The following APBB2 variants were observed in gnomAD, a reference collection of about 807,000 sequenced individuals.
APBB2 encodes the protein Fe65-like 1.
Under a neutral mutation model 82.5 loss-of-function variants are expected in APBB2, and 38 were observed. The ratio of observed to expected loss-of-function variants is 0.46; its 90% CI spans 0.36 to 0.60. The LOEUF (loss-of-function observed/expected upper bound fraction) is 0.60, where lower values mean the gene tolerates loss of function less well. Among genes scored for constraint, APBB2 ranks in the 20% least tolerant of loss-of-function variants. The pLI is 0.00. For missense variants in APBB2, 772 were observed against 972.3 expected (o/e 0.79, Z 2.74); for synonymous variants, 341 against 368.2 (o/e 0.93, Z 0.85).
intron 1 of APBB2, among the ~76,000 whole-genome samples, chr4:41,145,283 C>G (rs1760405309): frequency 6.6e-6 from 1 of 152,076 alleles, no homozygotes; most frequent in Non-Finnish European, 1.5e-5. Context: ...CCTTGGCAAC[C>G]CATTGCTCTA....
intron 4 of APBB2, among the ~76,000 whole-genome samples, chr4:41,044,492 T>C (rs1722663490): frequency 6.6e-6 from 1 of 152,222 alleles, no homozygotes; most frequent in African/African-American, 2.4e-5. Flanking sequence ...TTTTTGTTGT[T>C]TGAAGCTCAC....
chr4:40,962,500 T>A (rs1793553163), intron 6 of APBB2, among the ~76,000 whole-genome samples: 1 of 152,190 alleles, frequency 6.6e-6, no homozygotes, highest in Non-Finnish European at 1.5e-5. Context: ...ATTGAACAGA[T>A]CTAAGTTCCT....
intron 12 of APBB2, among the ~76,000 whole-genome samples, chr4:40,854,790 C>CAAAAAAAAAA (rs80240731): frequency 2.7e-4 from 34 of 124,802 alleles, no homozygotes; most frequent in African/African-American, 6.9e-4. Context: ...AGTCCATCTC[C>CAAAAAAAAAA]AAAAAAAAAA....
chr4:41,028,271 T>C (rs1056597396), intron 5 of APBB2, among the ~76,000 whole-genome samples: 1 of 152,222 alleles, frequency 6.6e-6, no homozygotes, highest in African/African-American at 2.4e-5. Flanking sequence ...ATTAGGCCCA[T>C]GTGTTTCAGG....
chr4:40,816,056 C>A lies in APBB2; in HGVS notation c.*36G>T. 1 of 1,600,140 alleles carries A rather than the reference C, an allele frequency of 6.2e-7. No homozygotes were observed. The highest frequency in any genetic ancestry group is 8.6e-7 in the Non-Finnish European group (1 of 1,169,034). The stretch of plus-strand genomic sequence containing the variant: ...ATTTTCTTTAGTGTAGCTAGTCAAT[C>A]TTCAGGTAAATAGCCGAGTCCTTTT... On this transcript the variant is annotated 3_prime_UTR_variant, in exon 18 of 18. Coordinates refer to ENST00000508593, the MANE Select transcript of APBB2 (RefSeq NM_004307.2).
chr4:40,835,919 A>C (rs1037057126), intron 12 of APBB2, among the ~76,000 whole-genome samples: 7 of 152,168 alleles, frequency 4.6e-5, no homozygotes, highest in African/African-American at 1.7e-4. Flanking sequence ...GGCGATTAAG[A>C]ATAACTCTGG....
intron 6 of APBB2, among the ~76,000 whole-genome samples, chr4:40,952,224 A>C (rs888571216): frequency 1.5e-4 from 22 of 148,868 alleles, no homozygotes; most frequent in Non-Finnish European, 3.0e-5. Context: ...AGATCATTTT[A>C]TGGTGACTTT....
At chr4:41,096,352 C>A (rs945838222) in intron 3 of APBB2, among the ~76,000 whole-genome samples, 4 of 152,158 alleles carry the variant, frequency 2.6e-5, no homozygotes, top group Non-Finnish European at 5.9e-5. Context: ...TAACGCCCAC[C>A]CCTAGAATTC....
At chr4:41,084,192 A>T (rs1364300075) in intron 3 of APBB2, among the ~76,000 whole-genome samples, 1 of 152,238 alleles carries the variant, frequency 6.6e-6, no homozygotes, top group African/African-American at 2.4e-5. Flanking sequence ...CAGAAGGCCG[A>T]GACAGGCGGA....
chr4:40,962,005 G>A (rs1330345768), intron 6 of APBB2, among the ~76,000 whole-genome samples: 1 of 152,134 alleles, frequency 6.6e-6, no homozygotes, highest in African/African-American at 2.4e-5. Flanking sequence ...TCCTCCTCAA[G>A]ACCCTCCAAT....
chr4:40,825,881 A>G lies in APBB2; in HGVS notation c.1816+6T>C. ...AAAGTGGAAAGACAATAAACATTTC[A>G]CATACCGACTGGTTTGTCTACAGGT... On this transcript the variant is annotated splice_donor_region_variant and intron_variant, in intron 15 of 17. Transcript: ENST00000508593. The G allele has an allele frequency of 6.2e-7, 1 of 1,612,814 alleles. No homozygotes were observed. Among genetic ancestry groups the G allele is most frequent in the Non-Finnish European group, 8.5e-7 (1 of 1,178,794 alleles).
chr4:41,063,952 T>A (rs2153887748), intron 4 of APBB2, among the ~76,000 whole-genome samples: 1 of 129,128 alleles, frequency 7.7e-6, no homozygotes, highest in East Asian at 2.1e-4. Context: ...ATGCTGGGAT[T>A]TTTTTTTTTT....
At chr4:41,037,669 G>C (rs1370261346) in intron 4 of APBB2, among the ~76,000 whole-genome samples, 1 of 152,044 alleles carries the variant, frequency 6.6e-6, no homozygotes, top group Non-Finnish European at 1.5e-5. Flanking sequence ...ACTTAATGTG[G>C]CTTGCATTCT....
intron 4 of APBB2, among the ~76,000 whole-genome samples, chr4:41,042,009 T>C (rs1721687898): frequency 6.6e-6 from 1 of 152,146 alleles, no homozygotes; most frequent in Non-Finnish European, 1.5e-5. Context: ...TTTTATTTTT[T>C]TGAGGCAGTC....
chr4:40,883,195 T>C (rs948606683), intron 12 of APBB2, among the ~76,000 whole-genome samples: 1 of 151,126 alleles, frequency 6.6e-6, no homozygotes, highest in African/African-American at 2.4e-5. Flanking sequence ...CAGCCTGCCC[T>C]ATACCCTTTT....
chr4:40,866,869 C>T (rs1418943362), intron 12 of APBB2, among the ~76,000 whole-genome samples: 1 of 152,142 alleles, frequency 6.6e-6, no homozygotes, highest in Non-Finnish European at 1.5e-5. Context: ...AGGTGTGCGC[C>T]ACCATGCCTG....
At chr4:41,120,850 G>A (rs966407377) in intron 2 of APBB2, among the ~76,000 whole-genome samples, 1 of 152,168 alleles carries the variant, frequency 6.6e-6, no homozygotes, top group African/African-American at 2.4e-5. Context: ...CAAGTGAAAA[G>A]TCAAATATTT....
At chr4:40,910,188 G>A (rs1479755113) in intron 10 of APBB2, among the ~76,000 whole-genome samples, 10 of 149,340 alleles carry the variant, frequency 6.7e-5, no homozygotes, top group African/African-American at 2.5e-4. Flanking sequence ...GGCTGGCCTC[G>A]AACTCCTGAC....
intron 3 of APBB2, among the ~76,000 whole-genome samples, chr4:41,080,403 G>A (rs796762685): frequency 6.6e-5 from 10 of 152,302 alleles, no homozygotes; most frequent in African/African-American, 2.4e-4. Flanking sequence ...GACATTAATA[G>A]AAATGTGGAT....
Sources: allele counts gnomAD v4.1 joint callset (sites outside exome capture counted in the v4.1 genomes callset), GRCh38; gene constraint gnomAD v4.1.1; transcripts MANE v1.5; gene names NCBI Gene and HGNC (gene_info 2026-07-23, HGNC 2026-07-21).